The following ARHGAP42 variants were observed in gnomAD, a reference collection of about 807,000 sequenced individuals.
ARHGAP42 encodes the protein Rho GTPase activating protein 42.
ARHGAP42 carries 63 observed loss-of-function variants against 125.0 expected under a neutral mutation model. The observed-to-expected ratio is 0.50, with a 90% CI of 0.41 to 0.62. The LOEUF is 0.62. Among genes scored for constraint, ARHGAP42 ranks in the 20% least tolerant of loss-of-function variants. The probability of loss-of-function intolerance (pLI) is 0.00; values close to 1 mark genes in which losing one functional copy is unlikely to be tolerated. For missense variants in ARHGAP42, 766 were observed against 1,024.2 expected (o/e 0.75, Z 3.44); for synonymous variants, 339 against 351.0 (o/e 0.97, Z 0.38).
Position 100,989,019 on chromosome 11 carries a change from C to A in ARHGAP42, c.*218C>A. 1 of 493,446 alleles carries A rather than the reference C, an allele frequency of 2.0e-6. No individual in the cohort carries two copies. The allele number at this position is 493,446 out of a possible 1,614,324, so 30.6% of individuals were successfully genotyped here. On this transcript the variant is annotated 3_prime_UTR_variant, in exon 24 of 24. Coordinates refer to ENST00000298815, the MANE Select transcript of ARHGAP42 (RefSeq NM_152432.4). ...TGGTTGGTTTCTTATTTTAAAATATCTTACTTGTGAAAAATGTGTTTTTGG... is the reference window on the plus strand; with the variant it reads ...TGGTTGGTTTCTTATTTTAAAATATATTACTTGTGAAAAATGTGTTTTTGG...
At chr11:100,977,056 C>A in intron 21 of ARHGAP42, 85 bp downstream of exon 21, 3 of 1,438,814 alleles carry the variant, frequency 2.1e-6, no homozygotes, top group Admixed American at 4.2e-5. Context: ...GGGAATCCCA[C>A]AAGTTGAATA....
rs190741426 is a variant in ARHGAP42 at position 100,897,034 on chromosome 11, A to G, written c.385-16418A>G. Among the ~76,000 whole-genome samples the G allele has an allele frequency of 3.6e-3, 551 of 152,300 alleles. 3 individuals are homozygous for G. The highest frequency in any genetic ancestry group is 0.013 in the African/African-American group (535 of 41,568). On this transcript the variant is annotated intron_variant, in intron 4 of 23. Transcript: ENST00000298815. ...TTTTTGTATAAGGTGTAAGGAAAGG[A>G]TCCAGTTTCAGCTTTCTACATATAT...
At chr11:100,845,871 A>G (rs1865054572) in intron 3 of ARHGAP42, among the ~76,000 whole-genome samples, 1 of 152,150 alleles carries the variant, frequency 6.6e-6, no homozygotes, top group Non-Finnish European at 1.5e-5. Context: ...TTCTTCCAAG[A>G]TTGTTTATCA....
intron 3 of ARHGAP42, among the ~76,000 whole-genome samples, chr11:100,810,809 C>G (rs1412562838): frequency 6.6e-6 from 1 of 151,948 alleles, no homozygotes; most frequent in Admixed American, 6.6e-5. Flanking sequence ...AAGTCTAGGT[C>G]CTAATTAATT....
At chr11:100,734,547 C>T (rs1478243906) in intron 1 of ARHGAP42, among the ~76,000 whole-genome samples, 1 of 152,210 alleles carries the variant, frequency 6.6e-6, no homozygotes. Flanking sequence ...TCCCAAAGTG[C>T]TGGGATTACG....
chr11:100,953,975 G>A (rs676976), intron 12 of ARHGAP42, among the ~76,000 whole-genome samples: 134,056 of 151,954 alleles, frequency 0.88, 59,216 homozygotes, highest in East Asian at 1. Flanking sequence ...TATGTTTTCT[G>A]TAGTTCTGCC....
chr11:100,900,843 T>C (rs1169424799), intron 4 of ARHGAP42, among the ~76,000 whole-genome samples: 1 of 152,116 alleles, frequency 6.6e-6, no homozygotes, highest in Non-Finnish European at 1.5e-5. Context: ...CATGTTCCTT[T>C]AGCTCAGAGA....
At chr11:100,885,375 A>G (rs1003096029) in intron 4 of ARHGAP42, among the ~76,000 whole-genome samples, 3 of 152,192 alleles carry the variant, frequency 2.0e-5, no homozygotes, top group Admixed American at 1.3e-4. Flanking sequence ...TTCCCTGTCA[A>G]CAATTTCTTT....
chr11:100,862,829 G>T (rs570130366), intron 4 of ARHGAP42, among the ~76,000 whole-genome samples: 1 of 151,856 alleles, frequency 6.6e-6, no homozygotes, highest in Non-Finnish European at 1.5e-5. Flanking sequence ...TCGGGAGTTC[G>T]AGACCAGCCT....
chr11:100,730,404 G>A (rs796395331), intron 1 of ARHGAP42, among the ~76,000 whole-genome samples: 9 of 152,356 alleles, frequency 5.9e-5, no homozygotes, highest in African/African-American at 2.2e-4. Context: ...TGCTCTGGGT[G>A]TGTGGGTGAA....
intron 4 of ARHGAP42, among the ~76,000 whole-genome samples, chr11:100,902,271 G>C (rs931243897): frequency 1.3e-5 from 2 of 152,134 alleles, no homozygotes; most frequent in Admixed American, 1.3e-4. Flanking sequence ...TTTTAGTCTA[G>C]ACTCCATCCT....
intron 1 of ARHGAP42, among the ~76,000 whole-genome samples, chr11:100,728,567 C>G (rs1435180524): frequency 6.6e-6 from 1 of 151,856 alleles, no homozygotes; most frequent in Non-Finnish European, 1.5e-5. Flanking sequence ...AGCACTTACA[C>G]CATGCAATTG....
At chr11:100,694,151 G>A (rs1591110709) in intron 1 of ARHGAP42, among the ~76,000 whole-genome samples, 1 of 151,668 alleles carries the variant, frequency 6.6e-6, no homozygotes, top group Non-Finnish European at 1.5e-5. Context: ...CAGGCTGGTC[G>A]CAAACTCCTG....
chr11:100,707,697 T>C (rs189535061), intron 1 of ARHGAP42, among the ~76,000 whole-genome samples: 9 of 152,294 alleles, frequency 5.9e-5, no homozygotes, highest in African/African-American at 2.2e-4. Flanking sequence ...ATTCAACAGA[T>C]GTATTTAGCA....
chr11:100,748,590 A>T (rs556915265), intron 1 of ARHGAP42, among the ~76,000 whole-genome samples: 1 of 146,804 alleles, frequency 6.8e-6, no homozygotes, highest in Admixed American at 6.9e-5. Context: ...TTGACTTAGG[A>T]TAGTGCTGAC....
intron 3 of ARHGAP42, among the ~76,000 whole-genome samples, chr11:100,851,183 G>A (rs916835543): frequency 8.6e-5 from 13 of 152,024 alleles, no homozygotes; most frequent in African/African-American, 3.1e-4. Context: ...CGCCTGGCCA[G>A]GAGATAGTAG....
chr11:100,936,090 C>T, intron 7 of ARHGAP42, 113 bp from the exon 8 acceptor site: 1 of 1,316,534 alleles, frequency 7.6e-7, no homozygotes, highest in Non-Finnish European at 1.0e-6. Context: ...ACCTGGTTGA[C>T]AGAGTGATAC....
intron 1 of ARHGAP42, among the ~76,000 whole-genome samples, chr11:100,756,222 CAAAAAAA>C (rs56164175): frequency 1.3e-4 from 6 of 47,924 alleles, no homozygotes; most frequent in Non-Finnish European, 2.2e-4. Flanking sequence ...CTTGTCTCTA[CAAAAAAA>C]AAAAAAAAAA....
intron 1 of ARHGAP42, among the ~76,000 whole-genome samples, chr11:100,693,184 A>G (rs1861219722): frequency 6.7e-6 from 1 of 150,098 alleles, no homozygotes; most frequent in Non-Finnish European, 1.5e-5. Context: ...TTGAAGTGGA[A>G]CTCATCGCAG....
Sources: gnomAD v4.1 joint callset for allele counts (sites outside exome capture counted in the v4.1 genomes callset) on GRCh38, gnomAD v4.1.1 for gene constraint, MANE v1.5 for transcripts, NCBI Gene and HGNC (gene_info 2026-07-23, HGNC 2026-07-21) for gene names.